Variants in RSPH14 observed in about 807,000 individuals in gnomAD.
RSPH14 encodes the protein rhabdoid tumor deletion region gene 1.
In RSPH14, 20 loss-of-function variants were observed where a neutral mutation model predicts 26.7. The ratio of observed to expected loss-of-function variants is 0.75; its 90% confidence interval spans 0.53 to 1.09. The LOEUF (loss-of-function observed/expected upper bound fraction) is 1.09. RSPH14 is among the 50% of genes least tolerant of loss of function. The pLI, the probability that RSPH14 is intolerant of heterozygous loss-of-function variation, is 0.00. For synonymous variants in RSPH14, 177 were observed against 189.3 expected (o/e 0.93, Z 0.53); for missense variants, 449 against 457.2 (o/e 0.98, Z 0.16).
intron 4 of RSPH14, among the ~76,000 whole-genome samples, chr22:23,114,877 C>T (rs2069778207): frequency 6.6e-6 from 1 of 152,166 alleles, no homozygotes; most frequent in Non-Finnish European, 1.5e-5. Context: ...CACACAAGAG[C>T]ACCTGGAGAG....
chr22:23,158,988 AG>A, the RSPH14 span: 1 of 1,613,686 alleles, frequency 6.2e-7, no homozygotes, highest in Non-Finnish European at 8.5e-7. Context: ...TGGTGAGCAG[AG>A]TGGCACTGGT....
chr22:23,155,967 G>A, the RSPH14 span: 2 of 1,610,240 alleles, frequency 1.2e-6, no homozygotes, highest in Non-Finnish European at 1.7e-6. Context: ...CCACCTCACA[G>A]CTGGGACACA....
chr22:23,072,098 G>C (rs2068395125), intron 4 of RSPH14, among the ~76,000 whole-genome samples: 1 of 152,088 alleles, frequency 6.6e-6, no homozygotes, highest in East Asian at 1.9e-4. Flanking sequence ...ACTGGGGAAG[G>C]CTCCTTGCAG....
At chr22:23,173,479 C>T in the RSPH14 span, among the ~76,000 whole-genome samples, 486 of 152,126 alleles carry the variant, frequency 3.2e-3, 1 homozygote, top group African/African-American at 0.011. Flanking sequence ...CTCACTCTGT[C>T]GCCCAGGCTG....
At chr22:23,078,208 G>A (rs933120305) in intron 4 of RSPH14, among the ~76,000 whole-genome samples, 3 of 152,248 alleles carry the variant, frequency 2.0e-5, no homozygotes, top group African/African-American at 7.2e-5. Context: ...ATTTCTCGAT[G>A]AAATGCTGGG....
At chr22:23,161,214 C>T in the RSPH14 span, among the ~76,000 whole-genome samples, 7 of 152,216 alleles carry the variant, frequency 4.6e-5, no homozygotes, top group Non-Finnish European at 7.3e-5. Flanking sequence ...TCCCTGTTCT[C>T]CTGACACATG....
At chr22:23,152,346 G>C in the RSPH14 span, 1 of 1,063,724 alleles carries the variant, frequency 9.4e-7, no homozygotes, top group Non-Finnish European at 1.5e-6. Flanking sequence ...CCCATCCTGT[G>C]TCCAGGAGTG....
At position 23,121,720 on chromosome 22, in the gene RSPH14, C is replaced by CT. The variant is rs10598505; in HGVS notation, c.421+12305dup. ...TGATGTAGTCTAGTCAGAAAAGTTCCTTTTTTTTTTTTTTTTTTTGAGACA... is the reference window on the plus strand; with the variant it reads ...TGATGTAGTCTAGTCAGAAAAGTTCCTTTTTTTTTTTTTTTTTTTTGAGACA... On this transcript the variant is annotated intron_variant, in intron 4 of 6. Transcript: ENST00000216036. Among the ~76,000 whole-genome samples, 789 of 123,154 alleles carry CT rather than the reference C, an allele frequency of 6.4e-3. 5 individuals are homozygous for CT. Among genetic ancestry groups the CT allele is most frequent in the African/African-American group, 0.011 (360 of 31,630 alleles). 80.8% of individuals were successfully genotyped at this position (123,154 alleles called of 152,430 possible). A position where few individuals can be genotyped will look rare whatever the true frequency, so the allele number is the denominator to read the frequency against.
At chr22:23,146,482 G>T (rs1377534136), upstream of RSPH14, 40 of 1,416,038 alleles carry the variant, frequency 2.8e-5, no homozygotes, top group African/African-American at 4.3e-5. Flanking sequence ...AAAGTGCTGG[G>T]ATTACAGGCA....
the RSPH14 span, among the ~76,000 whole-genome samples, chr22:23,170,093 T>TAA: frequency 0.064 from 8,738 of 136,918 alleles, 324 homozygotes; most frequent in Middle Eastern, 0.08. Flanking sequence ...CAAGACCCTT[T>TAA]AAAAAAAAAA....
upstream of RSPH14, among the ~76,000 whole-genome samples, chr22:23,142,741 G>T (rs918038280): frequency 2.6e-5 from 4 of 152,214 alleles, no homozygotes; most frequent in African/African-American, 9.6e-5. Flanking sequence ...GTTAGCCTCT[G>T]CAGTGGACCC....
the RSPH14 span, chr22:23,157,920 G>A: frequency 2.5e-6 from 4 of 1,603,654 alleles, no homozygotes; most frequent in South Asian, 1.1e-5. Context: ...TGGGAGCTGG[G>A]CACCTCCTGG....
the RSPH14 span, chr22:23,153,409 C>A: frequency 1.3e-4 from 33 of 256,386 alleles, no homozygotes; most frequent in Non-Finnish European, 1.5e-4. Context: ...CACCCCACTC[C>A]TCTTGAGGCC....
chr22:23,174,806 TA>T, the RSPH14 span, among the ~76,000 whole-genome samples: 2 of 151,724 alleles, frequency 1.3e-5, no homozygotes, highest in Non-Finnish European at 2.9e-5. Flanking sequence ...CCGTTTCTAC[TA>T]AAAATACAAA....
intron 4 of RSPH14, among the ~76,000 whole-genome samples, chr22:23,128,694 G>A (rs2070240780): frequency 1.3e-5 from 2 of 152,194 alleles, no homozygotes; most frequent in Admixed American, 1.3e-4. Flanking sequence ...CCATGACACA[G>A]GGGAAGAAAC....
At chr22:23,159,260 G>T in the RSPH14 span, 16 of 1,578,196 alleles carry the variant, frequency 1.0e-5, no homozygotes, top group Admixed American at 2.9e-4. Flanking sequence ...ACTGGTGAGT[G>T]GGCCAGGGCT....
the RSPH14 span, among the ~76,000 whole-genome samples, chr22:23,167,384 G>A: frequency 6.6e-6 from 1 of 152,172 alleles, no homozygotes; most frequent in African/African-American, 2.4e-5. Context: ...GGTTGACAGA[G>A]GCTCCACAGG....
intron 4 of RSPH14, among the ~76,000 whole-genome samples, chr22:23,128,713 G>A (rs575550998): frequency 3.9e-5 from 6 of 152,290 alleles, no homozygotes; most frequent in South Asian, 2.1e-4. Flanking sequence ...ACTGAGGCAC[G>A]GTGGCCAGAA....
chr22:23,162,458 A>C, the RSPH14 span: 1 of 361,088 alleles, frequency 2.8e-6, no homozygotes, highest in Admixed American at 3.3e-5. Context: ...TCCCTCTCTC[A>C]TTGGCCTATA....
Sources: allele counts gnomAD v4.1 joint callset (sites outside exome capture counted in the v4.1 genomes callset), GRCh38; gene constraint gnomAD v4.1.1; transcripts MANE v1.5; gene names NCBI Gene and HGNC (gene_info 2026-07-23, HGNC 2026-07-21).